CDH8: variants seen among roughly 807,000 people sequenced by gnomAD.
The protein encoded by CDH8 is cadherin 8.
Under a neutral mutation model 68.1 loss-of-function variants are expected in CDH8, and 17 were observed. The ratio of observed to expected loss-of-function variants is 0.25; its 90% CI spans 0.17 to 0.37. The LOEUF is 0.37. Ranked by LOEUF, CDH8 falls within the 10% of genes least tolerant of loss-of-function variation. The pLI is 1.00. For synonymous variants in CDH8, 372 were observed against 365.1 expected (o/e 1.02, Z -0.21); for missense variants, 763 against 999.3 (o/e 0.76, Z 3.19).
intron 10 of CDH8, among the ~76,000 whole-genome samples, chr16:61,703,636 C>T (rs774585461): frequency 2.2e-4 from 34 of 152,058 alleles, no homozygotes; most frequent in Admixed American, 1.9e-3. Flanking sequence ...GTCAGGAGAT[C>T]GAGACCATCC....
intron 7 of CDH8, among the ~76,000 whole-genome samples, chr16:61,793,955 C>A (rs1227050417): frequency 6.6e-6 from 1 of 151,940 alleles, no homozygotes; most frequent in African/African-American, 2.4e-5. Flanking sequence ...AAATGGACTA[C>A]AAAACAGAAT....
intron 3 of CDH8, among the ~76,000 whole-genome samples, chr16:61,890,152 A>G (rs181534954): frequency 3.3e-5 from 5 of 152,346 alleles, no homozygotes; most frequent in African/African-American, 9.6e-5. Context: ...GTATTTAGAA[A>G]TAGCAAGAGC....
At chr16:61,814,753 T>A (rs1962035127) in intron 7 of CDH8, among the ~76,000 whole-genome samples, 1 of 152,220 alleles carries the variant, frequency 6.6e-6, no homozygotes, top group Non-Finnish European at 1.5e-5. Flanking sequence ...TAAATGGCTC[T>A]AAATCTGTCT....
At chr16:61,964,450 A>AT (rs1167926505) in intron 2 of CDH8, among the ~76,000 whole-genome samples, 2 of 152,108 alleles carry the variant, frequency 1.3e-5, no homozygotes, top group African/African-American at 2.4e-5. Context: ...TATCGTTGGG[A>AT]TGGGAAAAGT....
intron 3 of CDH8, among the ~76,000 whole-genome samples, chr16:61,890,557 A>C (rs1963757383): frequency 6.6e-6 from 1 of 152,210 alleles, no homozygotes; most frequent in African/African-American, 2.4e-5. Context: ...ACAGTCCGCC[A>C]GGAATGACAC....
intron 2 of CDH8, among the ~76,000 whole-genome samples, chr16:62,008,811 G>A (rs1277518749): frequency 6.6e-6 from 1 of 152,100 alleles, no homozygotes; most frequent in Non-Finnish European, 1.5e-5. Context: ...TTCAGCCACT[G>A]CAAACATCTA....
At chr16:61,830,545 A>G (rs1962433234) in intron 4 of CDH8, among the ~76,000 whole-genome samples, 1 of 151,834 alleles carries the variant, frequency 6.6e-6, no homozygotes, top group African/African-American at 2.4e-5. Flanking sequence ...TGCTACGTTA[A>G]ATAACATCCC....
intron 2 of CDH8, among the ~76,000 whole-genome samples, chr16:61,932,051 C>CA: frequency 6.6e-6 from 1 of 151,696 alleles, no homozygotes; most frequent in Non-Finnish European, 1.5e-5. Context: ...ACTAAAAATA[C>CA]AAAAAATTAG....
intron 2 of CDH8, among the ~76,000 whole-genome samples, chr16:62,008,273 C>A (rs1459002655): frequency 1.3e-5 from 2 of 152,086 alleles, no homozygotes; most frequent in African/African-American, 4.8e-5. Flanking sequence ...TGTAGTGTGA[C>A]TTTTGCTTTG....
chr16:61,668,982 A>T (rs543752266), intron 10 of CDH8, among the ~76,000 whole-genome samples: 1 of 152,216 alleles, frequency 6.6e-6, no homozygotes, highest in African/African-American at 2.4e-5. Flanking sequence ...CAGTGTTTTC[A>T]AAATATTGAA....
intron 2 of CDH8, among the ~76,000 whole-genome samples, chr16:61,934,638 T>G (rs942155354): frequency 6.6e-6 from 1 of 152,136 alleles, no homozygotes; most frequent in African/African-American, 2.4e-5. Flanking sequence ...GAAGCTTAAC[T>G]TATTATATCA....
intron 2 of CDH8, among the ~76,000 whole-genome samples, chr16:61,978,208 A>G (rs1965472552): frequency 6.6e-6 from 1 of 152,188 alleles, no homozygotes; most frequent in Non-Finnish European, 1.5e-5. Flanking sequence ...GTAGCCTCAC[A>G]GTGCTGAAAC....
chr16:61,668,183 TACCATAA>T (rs1963718066), intron 10 of CDH8, among the ~76,000 whole-genome samples: 1 of 151,996 alleles, frequency 6.6e-6, no homozygotes, highest in Non-Finnish European at 1.5e-5. Flanking sequence ...GAGCATAGCA[TACCATAA>T]CACAGCAGAG....
At chr16:61,891,986 G>A (rs1459344896) in intron 3 of CDH8, among the ~76,000 whole-genome samples, 3 of 152,170 alleles carry the variant, frequency 2.0e-5, no homozygotes, top group Non-Finnish European at 4.4e-5. Flanking sequence ...TTAGGTTGAA[G>A]ACAGTTTGTC....
intron 3 of CDH8, among the ~76,000 whole-genome samples, chr16:61,895,343 C>T (rs1380907573): frequency 1.3e-5 from 2 of 152,128 alleles, no homozygotes; most frequent in East Asian, 3.9e-4. Context: ...TATATTTCAG[C>T]TCAGCCACTT....
chr16:61,700,538 C>G (rs1297004260), intron 10 of CDH8, among the ~76,000 whole-genome samples: 1 of 152,088 alleles, frequency 6.6e-6, no homozygotes, highest in East Asian at 1.9e-4. Flanking sequence ...CTCGGCCTAC[C>G]AAAGTGCTGG....
At chr16:61,701,488 T>C (rs1188597435) in intron 10 of CDH8, among the ~76,000 whole-genome samples, 2 of 152,240 alleles carry the variant, frequency 1.3e-5, no homozygotes, top group Non-Finnish European at 2.9e-5. Context: ...TAATGAATCA[T>C]CTGTGTTCTT....
chr16:61,749,423 G>A, intron 8 of CDH8, among the ~76,000 whole-genome samples: 1 of 152,036 alleles, frequency 6.6e-6, no homozygotes, highest in East Asian at 1.9e-4. Flanking sequence ...TCCTCTAGCA[G>A]TAGAAAATTG....
intron 8 of CDH8, among the ~76,000 whole-genome samples, chr16:61,772,595 G>T (rs1960806280): frequency 6.6e-6 from 1 of 151,958 alleles, no homozygotes; most frequent in East Asian, 1.9e-4. Flanking sequence ...TGTTGTCAAG[G>T]CTTGTGATCT....
Sources: gnomAD v4.1 joint callset for allele counts (sites outside exome capture counted in the v4.1 genomes callset) on GRCh38, gnomAD v4.1.1 for gene constraint, MANE v1.5 for transcripts, NCBI Gene and HGNC (gene_info 2026-07-23, HGNC 2026-07-21) for gene names.